Variants in CHRNB1 observed in about 807,000 individuals in gnomAD.
CHRNB1 encodes the protein acetylcholine receptor subunit beta.
CHRNB1 carries 47 observed loss-of-function variants against 53.8 expected under a neutral mutation model. The ratio of observed to expected loss-of-function variants is 0.87; its 90% CI spans 0.69 to 1.11. CHRNB1 has a LOEUF of 1.11. CHRNB1 is among the 50% of genes most tolerant of loss of function. The pLI, the probability that CHRNB1 is intolerant of heterozygous loss-of-function variation, is 0.00. For missense variants in CHRNB1, 605 were observed against 654.9 expected (o/e 0.92, Z 0.83); for synonymous variants, 259 against 263.5 (o/e 0.98, Z 0.16).
At chr17:7,453,754 ATT>A (rs535191959) in intron 7 of CHRNB1, among the ~76,000 whole-genome samples, 2 of 145,212 alleles carry the variant, frequency 1.4e-5, no homozygotes, top group Admixed American at 6.9e-5. Context: ...TGCCTGGCTA[ATT>A]TTTTTTTTTT....
At chr17:7,447,720 T>C in intron 6 of CHRNB1, 70 bp downstream of exon 6, 1 of 1,572,440 alleles carries the variant, frequency 6.4e-7, no homozygotes, top group Non-Finnish European at 8.8e-7. Context: ...ATAAATATAC[T>C]GTCAGTGATG....
chr17:7,445,663 A>C lies in CHRNB1; in HGVS notation c.198+254A>C, dbSNP rs1030989805. The C allele has an allele frequency of 5.9e-6, 8 of 1,347,210 alleles. No individual in the cohort carries two copies. In the East Asian group the frequency reaches 1.8e-4, roughly 31 times the overall value. 83.5% of individuals were successfully genotyped at this position (1,347,210 alleles called of 1,614,324 possible). A position where few individuals can be genotyped will look rare whatever the true frequency, so the allele number is the denominator to read the frequency against. ...ATCGGACCTTAAAGTGGGGCTGGGG[A>C]CGAGGCAGGGGCTGGGGGACGGACC... On this transcript the variant is annotated intron_variant, in intron 2 of 10. Coordinates refer to ENST00000306071, the MANE Select transcript of CHRNB1 (RefSeq NM_000747.3). This position sits in a 1 kb window ranked among gnomAD's most constrained non-coding sequence, Gnocchi z 5.7.
At chr17:7,453,382 G>A (rs1908955266) in intron 7 of CHRNB1, among the ~76,000 whole-genome samples, 1 of 152,126 alleles carries the variant, frequency 6.6e-6, no homozygotes. Context: ...GCCTCGCAAA[G>A]TGCTGGGATT....
Position 7,446,051 on chromosome 17 carries a change from T to C in CHRNB1, c.199-18T>C. ...TCCACCCTACTTCACCTTTACGCCT[T>C]AAATTTTTCCCTTCTAGAACGAGAA... On this transcript the variant is annotated intron_variant, in intron 2 of 10. Transcript: ENST00000306071. The C allele has an allele frequency of 1.2e-6, 2 of 1,613,654 alleles. No homozygotes were observed. The highest frequency in any genetic ancestry group is 1.7e-6 in the Non-Finnish European group (2 of 1,179,666).
intron 6 of CHRNB1, 39 bp downstream of exon 6, chr17:7,447,689 T>C (rs771112948): frequency 6.2e-7 from 1 of 1,612,916 alleles, no homozygotes; most frequent in Non-Finnish European, 8.5e-7. Flanking sequence ...GGCTCTATCA[T>C]TTCCAGCTTC....
intron 9 of CHRNB1, 27 bp downstream of exon 9, chr17:7,455,483 AG>A: frequency 2.5e-6 from 4 of 1,612,314 alleles, no homozygotes; most frequent in Non-Finnish European, 3.4e-6. Flanking sequence ...TACCCACATA[AG>A]AGGGAGAGGG....
chr17:7,445,449 G>C lies in CHRNB1; in HGVS notation c.198+40G>C, dbSNP rs777542254. The C allele has an allele frequency of 1.2e-6, 2 of 1,601,870 alleles. No homozygotes were observed. Among genetic ancestry groups the C allele is most frequent in the East Asian group, 4.5e-5 (2 of 44,640 alleles). ...GGGGTGGAGGTCAGGCCAGCCGACC[G>C]GCCGGGGGCGTGGCTTTAGGCAAGG... On this transcript the variant is annotated intron_variant, in intron 2 of 10. Transcript: ENST00000306071. This position sits in a 1 kb window ranked among gnomAD's most constrained non-coding sequence, Gnocchi z 5.7.
chr17:7,451,233 G>T (rs1294910923), intron 7 of CHRNB1, among the ~76,000 whole-genome samples: 1 of 148,916 alleles, frequency 6.7e-6, no homozygotes, highest in Non-Finnish European at 1.5e-5. Flanking sequence ...TGGGGCATGT[G>T]TTGGGTGGAT....
chr17:7,455,531 G>A lies in CHRNB1; in HGVS notation c.1217+75G>A, dbSNP rs553816148. 1.7e-4 allele frequency: 266 copies of A among 1,572,854 alleles called. 7 individuals are homozygous for A. In the South Asian group the frequency reaches 2.7e-3, roughly 16 times the overall value. On this transcript the variant is annotated intron_variant, in intron 9 of 10. Transcript: ENST00000306071. ...TCCCAGAAGAGTGTGCGGAAGAAGC[G>A]GCCCATGCTCTCGGAAGACGCTGTG...
Position 7,456,993 on chromosome 17 carries a change from AG to A in CHRNB1, c.*272del. The A allele has an allele frequency of 2.0e-6, 1 of 495,922 alleles. No individual in the cohort carries two copies. The highest frequency in any genetic ancestry group is 3.3e-5 in the Admixed American group (1 of 30,618). The allele number at this position is 495,922 out of a possible 1,614,324, so 30.7% of individuals were successfully genotyped here. On this transcript the variant is annotated 3_prime_UTR_variant, in exon 11 of 11. Coordinates refer to ENST00000306071, the MANE Select transcript of CHRNB1 (RefSeq NM_000747.3). ...TCGCCAGTGAAATAGAACACAGAAC[AG>A]GAACTAGATTATAAGCCTTATGAGG...
chr17:7,447,378 C>A, intron 5 of CHRNB1, 125 bp from the exon 6 acceptor site: 1 of 1,192,446 alleles, frequency 8.4e-7, no homozygotes, highest in Non-Finnish European at 1.2e-6. Context: ...CCATTAATGG[C>A]TTCCCTTCAT....
chr17:7,448,879 A>C, intron 7 of CHRNB1, 91 bp downstream of exon 7: 1 of 1,380,100 alleles, frequency 7.2e-7, no homozygotes, highest in Non-Finnish European at 1.0e-6. Context: ...CTGCCAATCC[A>C]AAGCATCATA....
chr17:7,455,877 G>A lies in CHRNB1; in HGVS notation c.1301G>A (p.Arg434Gln), dbSNP rs750141309. 2.5e-6 allele frequency: 4 copies of A among 1,613,924 alleles called. No individual in the cohort carries two copies. The highest frequency in any genetic ancestry group is 2.7e-5 in the African/African-American group (2 of 74,872). Residue 434 changes from arginine (R) to glutamine (Q), a missense_variant, in exon 10 of 11, where the codon CGG (arginine) becomes CAG (glutamine). Coordinates refer to ENST00000306071, the MANE Select transcript of CHRNB1 (RefSeq NM_000747.3). ...GCTGTGGCCCTGCTTCCGGAGCTAC[G>A]GGAGGTCGTCTCCTCTATCAGCTAC... Reference protein sequence around the residue: ...NRAVALLPELREVVSSISYIA... With the variant: ...NRAVALLPELQEVVSSISYIA...
rs1348882955 is a variant in CHRNB1 at position 7,456,241 on chromosome 17, A to T, written c.1365+300A>T. Among the ~76,000 whole-genome samples the T allele has an allele frequency of 2.6e-5, 4 of 151,324 alleles. No homozygotes were observed. The East Asian group carries it at 7.8e-4, about 30-fold the overall frequency. On this transcript the variant is annotated intron_variant, in intron 10 of 10. Coordinates refer to ENST00000306071, the MANE Select transcript of CHRNB1 (RefSeq NM_000747.3). ...GCTAATTTTTGTATTTTTAGTAGAG[A>T]CGTGGCTTCACCATGTTGGCCAGGC...
At position 7,445,110 on chromosome 17, in the gene CHRNB1, T is replaced by G. The variant is rs1908538481; in HGVS notation, c.-18T>G. Reference sequence around the variant, plus strand: ...CCAGCGGCTCTCTGAGCGAAGTCACTGAGCGAGCCGCCAGGCTATGACCCC... The same window carrying G: ...CCAGCGGCTCTCTGAGCGAAGTCACGGAGCGAGCCGCCAGGCTATGACCCC... On this transcript the variant is annotated 5_prime_UTR_variant, in exon 1 of 11. Transcript: ENST00000306071. The surrounding 1 kb of genome is among the most constrained non-coding windows in gnomAD (Gnocchi z 5.7). 5 of 1,605,534 alleles carry G rather than the reference T, an allele frequency of 3.1e-6. No individual in the cohort carries two copies. The highest frequency in any genetic ancestry group is 4.2e-6 in the Non-Finnish European group (5 of 1,178,932).
Position 7,445,410 on chromosome 17 carries a change from G to T in CHRNB1, c.198+1G>T, listed in dbSNP as rs1908562831. On this transcript the variant is annotated splice_donor_variant, in intron 2 of 10. Coordinates refer to ENST00000306071, the MANE Select transcript of CHRNB1 (RefSeq NM_000747.3). LOFTEE classifies it high-confidence loss of function. The surrounding 1 kb of genome is among the most constrained non-coding windows in gnomAD (Gnocchi z 5.7). ...CATCCTGGCGCAACTCATCAGCCTG[G>T]TGAGGGCGCGCGGGGGGTGGAGGTC... 1.2e-6 allele frequency: 2 copies of T among 1,610,838 alleles called. No homozygotes were observed. Among genetic ancestry groups the T allele is most frequent in the Non-Finnish European group, 1.7e-6 (2 of 1,179,404 alleles).
Position 7,445,803 on chromosome 17 carries a change from G to T in CHRNB1, c.199-266G>T. ...GGGCTGGGTGGATTATGAGCTGAAG[G>T]CAGGGCCGGGGACAGAGCTAGGCGG... On this transcript the variant is annotated intron_variant, in intron 2 of 10. Coordinates refer to ENST00000306071, the MANE Select transcript of CHRNB1 (RefSeq NM_000747.3). This position sits in a 1 kb window ranked among gnomAD's most constrained non-coding sequence, Gnocchi z 5.7. 1.6e-6 allele frequency: 1 copy of T among 623,548 alleles called. No individual in the cohort carries two copies. Among genetic ancestry groups the T allele is most frequent in the Non-Finnish European group, 2.8e-6 (1 of 359,578 alleles). The allele number at this position is 623,548 out of a possible 1,614,324, so 38.6% of individuals were successfully genotyped here.
intron 7 of CHRNB1, among the ~76,000 whole-genome samples, chr17:7,452,302 A>C (rs12600861): frequency 0.36 from 55,327 of 151,628 alleles, 10,286 homozygotes; most frequent in South Asian, 0.5. Context: ...AGGTGATCTG[A>C]CCGCCTCAGC....
Position 7,454,310 on chromosome 17 carries a change from G to A in CHRNB1, c.834G>A (p.Gly278=). 1 of 1,613,988 alleles carries A rather than the reference G, an allele frequency of 6.2e-7. No homozygotes were observed. Among genetic ancestry groups the A allele is most frequent in the Non-Finnish European group, 8.5e-7 (1 of 1,179,896 alleles). The change falls in exon 8 of 11, where the codon GGG becomes GGA. Residue 278 remains glycine (G), a synonymous_variant. Coordinates refer to ENST00000306071, the MANE Select transcript of CHRNB1 (RefSeq NM_000747.3). ...CTGCCCTCCAAGGAGAGAAGATGGG[G>A]CTCTCAATCTTTGCCCTGCTGACCC... ...YLPPDAGEKM[G]LSIFALLTLT...
Sources: allele counts gnomAD v4.1 joint callset (sites outside exome capture counted in the v4.1 genomes callset), GRCh38; gene constraint gnomAD v4.1.1; non-coding constraint Gnocchi (gnomAD v3.1); transcripts MANE v1.5; gene names NCBI Gene and HGNC (gene_info 2026-07-23, HGNC 2026-07-21).